The following ZNF423 variants were observed in gnomAD, a reference collection of about 807,000 sequenced individuals.
The protein encoded by ZNF423 is Ebf-associated zinc finger protein.
A neutral mutation model predicts 95.8 loss-of-function variants in ZNF423; 12 were observed. The observed-to-expected ratio is 0.13, with a 90% CI of 0.08 to 0.20. The LOEUF (loss-of-function observed/expected upper bound fraction) is 0.20. Among genes scored for constraint, ZNF423 ranks in the 10% least tolerant of loss-of-function variants. The pLI, the probability that ZNF423 is intolerant of heterozygous loss-of-function variation, is 1.00. For synonymous variants in ZNF423, 749 were observed against 711.9 expected (o/e 1.05, Z -0.83); for missense variants, 1,316 against 1,737.1 (o/e 0.76, Z 4.31).
chr16:49,508,065 G>T (rs12926400), intron 7 of ZNF423, among the ~76,000 whole-genome samples: 1 of 152,006 alleles, frequency 6.6e-6, no homozygotes, highest in Non-Finnish European at 1.5e-5. Context: ...TGAGGCCTTG[G>T]GGGGTTAGTT....
At chr16:49,819,378 A>G (rs1476069168) in intron 1 of ZNF423, among the ~76,000 whole-genome samples, 1 of 152,136 alleles carries the variant, frequency 6.6e-6, no homozygotes, top group African/African-American at 2.4e-5. Context: ...ATCTTCACCA[A>G]AAGGTCTATT....
At chr16:49,540,149 C>T (rs887898489) in intron 5 of ZNF423, among the ~76,000 whole-genome samples, 1 of 152,206 alleles carries the variant, frequency 6.6e-6, no homozygotes, top group Non-Finnish European at 1.5e-5. Context: ...GAATGCTGGC[C>T]TCAGCTGGGG....
intron 3 of ZNF423, among the ~76,000 whole-genome samples, chr16:49,647,183 A>G (rs1029062532): frequency 1.3e-5 from 2 of 152,178 alleles, no homozygotes; most frequent in Non-Finnish European, 2.9e-5. Context: ...CGTGACTTGA[A>G]CCAGGTACAG....
chr16:49,784,394 T>C (rs1413914577), intron 2 of ZNF423, among the ~76,000 whole-genome samples: 1 of 151,978 alleles, frequency 6.6e-6, no homozygotes, highest in Admixed American at 6.6e-5. Flanking sequence ...AACTTCTACA[T>C]GGATATTCAC....
At chr16:49,713,744 G>A (rs576168576) in intron 3 of ZNF423, among the ~76,000 whole-genome samples, 136 of 152,336 alleles carry the variant, frequency 8.9e-4, no homozygotes, top group Middle Eastern at 6.8e-3. Context: ...TCTGCAAGGT[G>A]TTTGTTGAGA....
chr16:49,709,907 G>T (rs2032490701), intron 3 of ZNF423, among the ~76,000 whole-genome samples: 1 of 152,124 alleles, frequency 6.6e-6, no homozygotes, highest in Non-Finnish European at 1.5e-5. Flanking sequence ...CACACAATCA[G>T]TCTCAGATAT....
intron 7 of ZNF423, among the ~76,000 whole-genome samples, chr16:49,508,623 G>T (rs1233374702): frequency 6.6e-6 from 1 of 150,754 alleles, no homozygotes; most frequent in African/African-American, 2.4e-5. Flanking sequence ...CTCTATAAAA[G>T]TGTTCAATGT....
chr16:49,618,537 C>G (rs1971953120), intron 5 of ZNF423, among the ~76,000 whole-genome samples: 1 of 152,144 alleles, frequency 6.6e-6, no homozygotes, highest in African/African-American at 2.4e-5. Context: ...GCTTTCTTCT[C>G]TCTCTCTCCT....
At chr16:49,716,585 G>A (rs2032713928) in intron 3 of ZNF423, among the ~76,000 whole-genome samples, 1 of 152,150 alleles carries the variant, frequency 6.6e-6, no homozygotes, top group African/African-American at 2.4e-5. Context: ...TCTCTGAGTT[G>A]GCACAGAGTG....
intron 7 of ZNF423, among the ~76,000 whole-genome samples, chr16:49,511,822 C>G (rs1967909967): frequency 6.6e-6 from 1 of 152,142 alleles, no homozygotes; most frequent in Admixed American, 6.6e-5. Context: ...ACACCCTTGC[C>G]CCACTTGACA....
chr16:49,788,846 T>G (rs767134996), intron 2 of ZNF423, among the ~76,000 whole-genome samples: 2 of 152,142 alleles, frequency 1.3e-5, no homozygotes, highest in Non-Finnish European at 2.9e-5. Flanking sequence ...CCCAAAGACC[T>G]CTCAAAGCCA....
intron 5 of ZNF423, among the ~76,000 whole-genome samples, chr16:49,591,760 A>C (rs1183368215): frequency 6.6e-6 from 1 of 152,242 alleles, no homozygotes; most frequent in African/African-American, 2.4e-5. Context: ...GTGTGCAAAA[A>C]CAGTACAGAC....
intron 5 of ZNF423, among the ~76,000 whole-genome samples, chr16:49,565,693 C>T (rs977083273): frequency 2.6e-5 from 4 of 152,290 alleles, no homozygotes; most frequent in South Asian, 2.1e-4. Context: ...TCAGACCCAT[C>T]GGGGCTCCGT....
chr16:49,564,031 T>C (rs2151773848), intron 5 of ZNF423, among the ~76,000 whole-genome samples: 1 of 152,330 alleles, frequency 6.6e-6, no homozygotes, highest in South Asian at 2.1e-4. Flanking sequence ...CCTAGGTTTG[T>C]GTTTCCTTGA....
intron 1 of ZNF423, among the ~76,000 whole-genome samples, chr16:49,815,915 T>TATATATATATATA (rs1491270483): frequency 6.1e-4 from 13 of 21,460 alleles, no homozygotes; most frequent in Admixed American, 1.6e-3. Context: ...TATATATATA[T>TATATATATATATA]TTTTTTTTTT....
intron 1 of ZNF423, among the ~76,000 whole-genome samples, chr16:49,825,961 A>G (rs1806802507): frequency 6.6e-6 from 1 of 152,164 alleles, no homozygotes; most frequent in Non-Finnish European, 1.5e-5. Context: ...CTATAATCCC[A>G]TTACTTTCGG....
chr16:49,491,273 C>T lies in ZNF423; in HGVS notation c.*2G>A, dbSNP rs1687267004. ...CGGAGAGGTGTCCTGTTGAGCGATC[C>T]CTCACTGTGCGTGCTGGCTCATCGT... On this transcript the variant is annotated 3_prime_UTR_variant, in exon 8 of 8. Coordinates refer to ENST00000563137, the MANE Select transcript of ZNF423 (RefSeq NM_001379286.1). 6.2e-7 allele frequency: 1 copy of T among 1,613,960 alleles called. No individual in the cohort carries two copies. Among genetic ancestry groups the T allele is most frequent in the African/African-American group, 1.3e-5 (1 of 74,924 alleles).
chr16:49,690,408 G>A (rs1176041853), intron 3 of ZNF423, among the ~76,000 whole-genome samples: 2 of 152,200 alleles, frequency 1.3e-5, no homozygotes, highest in African/African-American at 4.8e-5. Context: ...CCTGGAGTCT[G>A]ACTACTTGGG....
intron 5 of ZNF423, among the ~76,000 whole-genome samples, chr16:49,616,290 GA>G (rs1226473657): frequency 2.0e-5 from 3 of 152,140 alleles, no homozygotes; most frequent in African/African-American, 7.2e-5. Context: ...AACTCATGGA[GA>G]TAGAGTGCAG....
Sources: gnomAD v4.1 joint callset for allele counts (sites outside exome capture counted in the v4.1 genomes callset) on GRCh38, gnomAD v4.1.1 for gene constraint, MANE v1.5 for transcripts, NCBI Gene and HGNC (gene_info 2026-07-23, HGNC 2026-07-21) for gene names.